Variants in SSPN observed in about 807,000 individuals in gnomAD.
SSPN encodes sarcospan.
SSPN carries 15 observed loss-of-function variants against 19.1 expected under a neutral mutation model. That is an observed-to-expected ratio of 0.78 (90% CI 0.52 to 1.21). The LOEUF is 1.21. Ranked by LOEUF, SSPN falls within the 50% of genes most tolerant of loss-of-function variation. The pLI, the probability that SSPN is intolerant of heterozygous loss-of-function variation, is 0.00. For missense variants in SSPN, 291 were observed against 314.0 expected, an observed-to-expected ratio of 0.93 and a Z score of 0.55; for synonymous variants, 147 against 140.3, an observed-to-expected ratio of 1.05 and a Z score of -0.34.
chr12:26,188,554 T>G (rs1273270545), intron 1 of SSPN, among the ~76,000 whole-genome samples: 1 of 152,242 alleles, frequency 6.6e-6, no homozygotes, highest in African/African-American at 2.4e-5. Context: ...AATTCATCCC[T>G]GTGTCCTGGT....
chr12:26,206,425 A>G (rs1013010916), intron 1 of SSPN, among the ~76,000 whole-genome samples: 1 of 152,104 alleles, frequency 6.6e-6, no homozygotes, highest in African/African-American at 2.4e-5. Context: ...ACATAATTCA[A>G]TTTATATTGA....
At chr12:26,183,651 G>T (rs1246337288) in intron 1 of SSPN, among the ~76,000 whole-genome samples, 1 of 152,192 alleles carries the variant, frequency 6.6e-6, no homozygotes, top group African/African-American at 2.4e-5. Context: ...GGAAGATGTT[G>T]ATAGTATTAT....
At chr12:26,177,255 G>A (rs986926402) in intron 1 of SSPN, among the ~76,000 whole-genome samples, 2 of 152,162 alleles carry the variant, frequency 1.3e-5, no homozygotes, top group Non-Finnish European at 2.9e-5. Context: ...GAATCTCTGA[G>A]GATTACTGAA....
chr12:26,183,174 A>G (rs1944730885), intron 1 of SSPN, among the ~76,000 whole-genome samples: 1 of 152,240 alleles, frequency 6.6e-6, no homozygotes, highest in South Asian at 2.1e-4. Flanking sequence ...AAAGAGAAAC[A>G]TGGGTGATTT....
At chr12:26,122,078 C>T (rs1368591550) in exon 1 of SSPN, 4 of 1,549,650 alleles carry the variant, frequency 2.6e-6, no homozygotes, top group African/African-American at 2.7e-5. Context: ...AGGGAGCTTC[C>T]TTTCCTGGCT....
intron 2 of SSPN, among the ~76,000 whole-genome samples, chr12:26,230,405 C>G (rs576725372): frequency 2.0e-5 from 3 of 152,174 alleles, no homozygotes; most frequent in Non-Finnish European, 4.4e-5. Context: ...TGGGATTCAT[C>G]TAAACTGCTG....
At chr12:26,179,853 A>T (rs1369506722) in intron 1 of SSPN, 1 of 149,212 alleles carries the variant, frequency 6.7e-6, no homozygotes, top group East Asian at 2.0e-4. Flanking sequence ...AGTATCTCTG[A>T]TGATGCACAT....
chr12:26,138,934 C>A (rs892076555), intron 1 of SSPN, among the ~76,000 whole-genome samples: 2 of 152,058 alleles, frequency 1.3e-5, no homozygotes, highest in African/African-American at 4.8e-5. Context: ...TTAGTTACTT[C>A]CCATAAATAA....
chr12:26,145,367 G>A (rs1944483915), intron 1 of SSPN, among the ~76,000 whole-genome samples: 1 of 152,202 alleles, frequency 6.6e-6, no homozygotes, highest in Non-Finnish European at 1.5e-5. Context: ...GTCAATCACT[G>A]TGTCCTGGGA....
At chr12:26,163,685 G>A (rs910100878) in intron 1 of SSPN, among the ~76,000 whole-genome samples, 6 of 152,118 alleles carry the variant, frequency 3.9e-5, no homozygotes, top group Non-Finnish European at 7.3e-5. Flanking sequence ...CCTCTTAAAG[G>A]CCCCACCTCT....
At chr12:26,165,416 G>T (rs778826582) in intron 1 of SSPN, among the ~76,000 whole-genome samples, 1 of 152,184 alleles carries the variant, frequency 6.6e-6, no homozygotes, top group Admixed American at 6.5e-5. Context: ...AACTGCTGCT[G>T]CTTTGTTCTG....
At chr12:26,124,992 C>A in intron 1 of SSPN, 1 of 641,506 alleles carries the variant, frequency 1.6e-6, no homozygotes, top group Non-Finnish European at 2.8e-6. Flanking sequence ...ACACTCGCGC[C>A]GGCCCCACTG....
chr12:26,124,578 C>G (rs749352718), intron 1 of SSPN: 4 of 1,614,138 alleles, frequency 2.5e-6, no homozygotes, highest in Non-Finnish European at 3.4e-6. Flanking sequence ...GAGGAATAGT[C>G]CAGTCTGCAA....
chr12:26,184,417 G>A (rs1944739017), intron 1 of SSPN, among the ~76,000 whole-genome samples: 1 of 152,158 alleles, frequency 6.6e-6, no homozygotes, highest in Admixed American at 6.5e-5. Context: ...AATAACTGAT[G>A]TGACACATGC....
chr12:26,163,663 A>G (rs1176732966), intron 1 of SSPN, among the ~76,000 whole-genome samples: 1 of 152,222 alleles, frequency 6.6e-6, no homozygotes, highest in African/African-American at 2.4e-5. Flanking sequence ...AGCAGCAGTC[A>G]TGGCTTATTC....
At chr12:26,198,110 C>A (rs540811008) in intron 1 of SSPN, among the ~76,000 whole-genome samples, 7 of 152,150 alleles carry the variant, frequency 4.6e-5, no homozygotes, top group South Asian at 4.2e-4. Context: ...TGTGTACACA[C>A]CACACCTGGT....
chr12:26,182,911 C>T (rs946662093), intron 1 of SSPN, among the ~76,000 whole-genome samples: 1 of 151,798 alleles, frequency 6.6e-6, no homozygotes, highest in Non-Finnish European at 1.5e-5. Flanking sequence ...TACAGGCACA[C>T]GCCACCACGG....
intron 1 of SSPN, among the ~76,000 whole-genome samples, chr12:26,147,243 A>G (rs1378834104): frequency 6.6e-6 from 1 of 150,862 alleles, no homozygotes; most frequent in Admixed American, 6.7e-5. Context: ...AGGATCTGAG[A>G]AAATGAAAAC....
At chr12:26,219,990 G>T (rs916408823) in intron 1 of SSPN, among the ~76,000 whole-genome samples, 5 of 152,248 alleles carry the variant, frequency 3.3e-5, no homozygotes, top group Middle Eastern at 6.8e-3. Context: ...AGGCCTGACG[G>T]GTCTCACTGC....
Sources: allele counts gnomAD v4.1 joint callset (sites outside exome capture counted in the v4.1 genomes callset), GRCh38; gene constraint gnomAD v4.1.1; transcripts MANE v1.5; gene names NCBI Gene and HGNC (gene_info 2026-07-23, HGNC 2026-07-21).